TMEM232: variants seen among roughly 807,000 people sequenced by gnomAD.
TMEM232 encodes the protein transmembrane protein 232.
A neutral mutation model predicts 78.8 loss-of-function variants in TMEM232; 80 were observed. The observed-to-expected ratio is 1.01, with a 90% CI of 0.85 to 1.22. The LOEUF (loss-of-function observed/expected upper bound fraction) is 1.22. Ranked by LOEUF, TMEM232 falls within the 50% of genes most tolerant of loss-of-function variation. The pLI is 0.00. For synonymous variants in TMEM232, 297 were observed against 254.3 expected (o/e 1.17, Z -1.60); for missense variants, 881 against 742.2 (o/e 1.19, Z -2.17).
At chr5:110,600,680 C>CA (rs943933149) in intron 10 of TMEM232, among the ~76,000 whole-genome samples, 20 of 149,816 alleles carry the variant, frequency 1.3e-4, no homozygotes, top group African/African-American at 3.9e-4. Flanking sequence ...GCCTACCAAC[C>CA]AAAAAAAAAG....
intron 2 of TMEM232, among the ~76,000 whole-genome samples, chr5:110,665,408 A>C (rs1001704888): frequency 6.6e-6 from 1 of 152,084 alleles, no homozygotes; most frequent in African/African-American, 2.4e-5. Context: ...AGACTGGGTA[A>C]TTTACATACA....
chr5:110,546,917 G>A (rs1443843800), intron 11 of TMEM232, among the ~76,000 whole-genome samples: 3 of 151,034 alleles, frequency 2.0e-5, no homozygotes, highest in African/African-American at 7.3e-5. Context: ...CCCACCTTTG[G>A]AGTTTTATTA....
At chr5:110,596,497 C>T (rs1010530275) in intron 10 of TMEM232, among the ~76,000 whole-genome samples, 8 of 152,142 alleles carry the variant, frequency 5.3e-5, no homozygotes, top group Admixed American at 2.6e-4. Flanking sequence ...AGAGGGAATC[C>T]TCCCTAACTC....
At chr5:110,669,685 C>G (rs746613409) in intron 1 of TMEM232, among the ~76,000 whole-genome samples, 2 of 151,954 alleles carry the variant, frequency 1.3e-5, no homozygotes, top group East Asian at 3.9e-4. Context: ...CCAAAAAAGA[C>G]AATTTGAGAC....
intron 12 of TMEM232, among the ~76,000 whole-genome samples, chr5:110,521,535 A>G (rs991677066): frequency 1.3e-5 from 2 of 152,184 alleles, no homozygotes; most frequent in African/African-American, 2.4e-5. Context: ...GTAAAGATCA[A>G]CGTCAAGAAG....
At chr5:110,660,681 A>G (rs1169763603) in intron 2 of TMEM232, among the ~76,000 whole-genome samples, 1 of 152,052 alleles carries the variant, frequency 6.6e-6, no homozygotes, top group Admixed American at 6.6e-5. Flanking sequence ...TTGCTTTATT[A>G]TTTTTTATTT....
At chr5:110,454,758 T>G (rs1420544614) in intron 12 of TMEM232, among the ~76,000 whole-genome samples, 1 of 151,384 alleles carries the variant, frequency 6.6e-6, no homozygotes, top group Non-Finnish European at 1.5e-5. Context: ...CTTGAATCAG[T>G]GAACTAAGCC....
chr5:110,489,700 G>A (rs527416919), intron 12 of TMEM232, among the ~76,000 whole-genome samples: 3 of 152,146 alleles, frequency 2.0e-5, no homozygotes, highest in African/African-American at 7.2e-5. Flanking sequence ...TAGAAATGAG[G>A]AAGTTAAACT....
chr5:110,542,933 C>A (rs1445445980), intron 11 of TMEM232, among the ~76,000 whole-genome samples: 1 of 152,116 alleles, frequency 6.6e-6, no homozygotes, highest in African/African-American at 2.4e-5. Flanking sequence ...CATGGAAAAC[C>A]TTTAGAGGGT....
chr5:110,399,091 G>A (rs1208573504), intron 2 of TMEM232, among the ~76,000 whole-genome samples: 1 of 151,720 alleles, frequency 6.6e-6, no homozygotes, highest in Non-Finnish European at 1.5e-5. Context: ...CAGGTTCTCT[G>A]GTCTGCCACG....
At chr5:110,669,162 A>G (rs1018956262) in intron 1 of TMEM232, among the ~76,000 whole-genome samples, 21 of 152,014 alleles carry the variant, frequency 1.4e-4, no homozygotes, top group African/African-American at 5.1e-4. Flanking sequence ...GACACAAAAA[A>G]CACTTCAAAA....
chr5:110,499,427 A>G (rs1765977623), intron 12 of TMEM232, among the ~76,000 whole-genome samples: 2 of 152,042 alleles, frequency 1.3e-5, no homozygotes, highest in South Asian at 4.1e-4. Context: ...AATCTTTTAA[A>G]AATTTTATTT....
At chr5:110,621,199 A>G (rs2149909926) in intron 7 of TMEM232, among the ~76,000 whole-genome samples, 1 of 150,902 alleles carries the variant, frequency 6.6e-6, no homozygotes, top group African/African-American at 2.5e-5. Context: ...TTTTTTCAAA[A>G]AATAAAAAAT....
At chr5:110,633,792 G>T (rs12656782) in intron 5 of TMEM232, among the ~76,000 whole-genome samples, 14,289 of 151,984 alleles carry the variant, frequency 0.094, 801 homozygotes, top group South Asian at 0.18. Flanking sequence ...TGTGAAAATG[G>T]ACTAATACAA....
At chr5:110,582,548 T>C (rs1423337242) in intron 10 of TMEM232, among the ~76,000 whole-genome samples, 1 of 151,860 alleles carries the variant, frequency 6.6e-6, no homozygotes, top group Non-Finnish European at 1.5e-5. Flanking sequence ...GAAATACTAA[T>C]TATTGGGTAC....
At chr5:110,557,851 C>T (rs1404475429) in intron 11 of TMEM232, among the ~76,000 whole-genome samples, 1 of 152,142 alleles carries the variant, frequency 6.6e-6, no homozygotes, top group Non-Finnish European at 1.5e-5. Flanking sequence ...TAGATCCAAA[C>T]TATATCAAAG....
chr5:110,549,229 G>T (rs1774154967), intron 11 of TMEM232, among the ~76,000 whole-genome samples: 1 of 152,048 alleles, frequency 6.6e-6, no homozygotes, highest in Admixed American at 6.6e-5. Context: ...TCCATTAAAT[G>T]CAAGGAAATT....
chr5:110,668,579 T>C (rs1561484927), intron 1 of TMEM232, among the ~76,000 whole-genome samples: 1 of 152,152 alleles, frequency 6.6e-6, no homozygotes, highest in Admixed American at 6.6e-5. Context: ...TTGCTATTGA[T>C]GTATAGCAAG....
intron 12 of TMEM232, among the ~76,000 whole-genome samples, chr5:110,510,996 T>C (rs1767663586): frequency 2.0e-5 from 3 of 152,152 alleles, no homozygotes; most frequent in Admixed American, 2.0e-4. Context: ...CATGCACGTG[T>C]ATGTTTATTG....
Sources: allele counts gnomAD v4.1 joint callset (sites outside exome capture counted in the v4.1 genomes callset), GRCh38; gene constraint gnomAD v4.1.1; transcripts MANE v1.5; gene names NCBI Gene and HGNC (gene_info 2026-07-23, HGNC 2026-07-21).